Variants in MTMR2 observed in about 807,000 individuals in gnomAD.
MTMR2 encodes the protein myotubularin related protein 2.
In MTMR2, 55 loss-of-function variants were observed where a neutral mutation model predicts 86.9. The ratio of observed to expected loss-of-function variants is 0.63; its 90% CI spans 0.51 to 0.79. The LOEUF (loss-of-function observed/expected upper bound fraction) is 0.79, where lower values mean the gene tolerates loss of function less well. Among genes scored for constraint, MTMR2 ranks in the 30% least tolerant of loss-of-function variants. The pLI is 0.00. For synonymous variants in MTMR2, 241 were observed against 266.8 expected (o/e 0.90, Z 0.94); for missense variants, 659 against 772.3 (o/e 0.85, Z 1.74).
At chr11:95,855,250 T>A (rs1864167548) in intron 7 of MTMR2, among the ~76,000 whole-genome samples, 1 of 147,064 alleles carries the variant, frequency 6.8e-6, no homozygotes, top group Non-Finnish European at 1.5e-5. Context: ...ACTTTGTCCA[T>A]TTTTATTTAT....
Position 95,924,044 on chromosome 11 carries a change from G to T in MTMR2, c.-90C>A, listed in dbSNP as rs369560514. On this transcript the variant is annotated 5_prime_UTR_variant, in exon 1 of 15. Transcript: ENST00000346299. Reference sequence around the variant, plus strand: ...GGAGGGCGGAGTGCTACGGACCGGGGCCGCAGTCAGGCCAGCGCCGGCCCG... The same window carrying T: ...GGAGGGCGGAGTGCTACGGACCGGGTCCGCAGTCAGGCCAGCGCCGGCCCG... 1 of 1,502,458 alleles carries T rather than the reference G, an allele frequency of 6.7e-7. No individual in the cohort carries two copies. The highest frequency in any genetic ancestry group is 9.1e-7 in the Non-Finnish European group (1 of 1,104,868). 93.1% of individuals were successfully genotyped at this position (1,502,458 alleles called of 1,614,324 possible). A position where few individuals can be genotyped will look rare whatever the true frequency, so the allele number is the denominator to read the frequency against.
intron 11 of MTMR2, 138 bp from the exon 12 acceptor site, chr11:95,841,847 A>G (rs1863561842): frequency 4.2e-6 from 3 of 710,032 alleles, no homozygotes; most frequent in Non-Finnish European, 7.5e-6. Context: ...TGTAATCCCA[A>G]CACTTTGGGA....
At chr11:95,863,708 T>C (rs1336970546) in intron 3 of MTMR2, among the ~76,000 whole-genome samples, 1 of 152,140 alleles carries the variant, frequency 6.6e-6, no homozygotes, top group African/African-American at 2.4e-5. Context: ...AATGTCATTC[T>C]CAGGCCAGTG....
chr11:95,912,377 A>C (rs1306787555), intron 1 of MTMR2, among the ~76,000 whole-genome samples: 1 of 151,920 alleles, frequency 6.6e-6, no homozygotes, highest in African/African-American at 2.4e-5. Flanking sequence ...AGAACAAAAA[A>C]GTTTTTAATG....
intron 2 of MTMR2, among the ~76,000 whole-genome samples, chr11:95,882,909 T>G (rs12804518): frequency 4.8e-4 from 48 of 99,618 alleles, no homozygotes; most frequent in Non-Finnish European, 6.8e-4. Flanking sequence ...TTTTTTTTTT[T>G]TTTTTTTTTT....
At chr11:95,868,203 T>A (rs1446814995) in intron 2 of MTMR2, among the ~76,000 whole-genome samples, 5 of 129,248 alleles carry the variant, frequency 3.9e-5, no homozygotes, top group African/African-American at 1.5e-4. Flanking sequence ...GCCCCAGAAG[T>A]CAAGGCTTCA....
intron 1 of MTMR2, among the ~76,000 whole-genome samples, chr11:95,908,522 C>T (rs1424181308): frequency 6.6e-6 from 1 of 152,076 alleles, no homozygotes; most frequent in East Asian, 1.9e-4. Flanking sequence ...AAAAGAAGCC[C>T]GAATAGCCAC....
chr11:95,849,054 A>G (rs1180955628), intron 9 of MTMR2, among the ~76,000 whole-genome samples: 1 of 152,174 alleles, frequency 6.6e-6, no homozygotes, highest in Admixed American at 6.5e-5. Context: ...TGTACACTTG[A>G]AAAGATGAGC....
chr11:95,905,328 T>TGCGCGCGCGTGC (rs201740423), intron 1 of MTMR2, among the ~76,000 whole-genome samples: 252 of 47,832 alleles, frequency 5.3e-3, no homozygotes, highest in African/African-American at 0.017. Flanking sequence ...CGCACGCACC[T>TGCGCGCGCGTGC]GCGCACACAC....
intron 2 of MTMR2, among the ~76,000 whole-genome samples, chr11:95,880,324 TTAGC>T (rs1386141789): frequency 1.3e-5 from 2 of 152,114 alleles, no homozygotes; most frequent in African/African-American, 4.8e-5. Context: ...TGAAATTTAC[TTAGC>T]TAGATAGATA....
At chr11:95,867,223 C>T (rs1210164771) in intron 2 of MTMR2, among the ~76,000 whole-genome samples, 3 of 152,162 alleles carry the variant, frequency 2.0e-5, no homozygotes, top group Non-Finnish European at 4.4e-5. Context: ...AGAAATACAA[C>T]GTTTATGTCA....
At chr11:95,882,889 A>ATTTTT (rs776661875) in intron 2 of MTMR2, among the ~76,000 whole-genome samples, 37 of 76,076 alleles carry the variant, frequency 4.9e-4, no homozygotes, top group East Asian at 1.5e-3. Context: ...CATCCAGCTA[A>ATTTTT]TTTTTTTTTT....
chr11:95,880,397 C>T (rs936884375), intron 2 of MTMR2, among the ~76,000 whole-genome samples: 1 of 152,050 alleles, frequency 6.6e-6, no homozygotes, highest in Admixed American at 6.5e-5. Flanking sequence ...ACATTTATCA[C>T]GTACACAAAT....
intron 1 of MTMR2, among the ~76,000 whole-genome samples, chr11:95,910,423 G>T (rs778585162): frequency 3.3e-5 from 5 of 151,824 alleles, no homozygotes; most frequent in Non-Finnish European, 7.4e-5. Flanking sequence ...GAAAATTAAA[G>T]ATGCAGATGA....
At chr11:95,870,566 A>C (rs1300065530) in intron 2 of MTMR2, among the ~76,000 whole-genome samples, 2 of 152,130 alleles carry the variant, frequency 1.3e-5, no homozygotes, top group African/African-American at 2.4e-5. Flanking sequence ...TATATGAATA[A>C]TACTTGATGA....
At chr11:95,847,693 G>C (rs1863848967) in intron 10 of MTMR2, 21 bp downstream of exon 10, 3 of 1,572,838 alleles carry the variant, frequency 1.9e-6, no homozygotes, top group Non-Finnish European at 2.6e-6. Context: ...CTTTGTTTGG[G>C]ATATAGTAAC....
chr11:95,862,485 G>C lies in MTMR2; in HGVS notation c.263-119C>G, dbSNP rs1028247715. 6.2e-6 allele frequency: 5 copies of C among 800,164 alleles called. No homozygotes were observed. In the East Asian group the frequency reaches 1.3e-4, roughly 21 times the overall value. 49.6% of individuals were successfully genotyped at this position (800,164 alleles called of 1,614,324 possible). The stretch of plus-strand genomic sequence containing the variant: ...TTTATGCTGAAAAATAACAGAACCA[G>C]TAATTTCCAGAGACCTCAGAATCCT... On this transcript the variant is annotated intron_variant, in intron 3 of 14. Coordinates refer to ENST00000346299, the MANE Select transcript of MTMR2 (RefSeq NM_016156.6).
chr11:95,873,116 T>A (rs981062970), intron 2 of MTMR2, among the ~76,000 whole-genome samples: 2 of 152,246 alleles, frequency 1.3e-5, no homozygotes, highest in African/African-American at 4.8e-5. Flanking sequence ...GGTATCAGGA[T>A]GATGCTGGCC....
At chr11:95,862,827 T>C (rs1864474384) in intron 3 of MTMR2, among the ~76,000 whole-genome samples, 1 of 152,218 alleles carries the variant, frequency 6.6e-6, no homozygotes, top group Admixed American at 6.5e-5. Flanking sequence ...AAACATATGT[T>C]ATTCCACAAA....
Sources: allele counts gnomAD v4.1 joint callset (sites outside exome capture counted in the v4.1 genomes callset), GRCh38; gene constraint gnomAD v4.1.1; transcripts MANE v1.5; gene names NCBI Gene and HGNC (gene_info 2026-07-23, HGNC 2026-07-21).